The following MAP3K10 variants were observed in gnomAD, a reference collection of about 807,000 sequenced individuals.
MAP3K10 encodes the protein mitogen-activated protein kinase kinase kinase 10.
MAP3K10 carries 22 observed loss-of-function variants against 75.0 expected under a neutral mutation model. The ratio of observed to expected loss-of-function variants is 0.29; its 90% CI spans 0.21 to 0.42. The LOEUF (loss-of-function observed/expected upper bound fraction) is 0.42, where lower values mean the gene tolerates loss of function less well. Among genes scored for constraint, MAP3K10 ranks in the 10% least tolerant of loss-of-function variants. MAP3K10 has a pLI of 1.00. For synonymous variants in MAP3K10, 599 were observed against 612.9 expected (o/e 0.98, Z 0.34); for missense variants, 1,165 against 1,379.8 (o/e 0.84, Z 2.47).
At chr19:40,201,247 A>G (rs1322079490) in intron 2 of MAP3K10, among the ~76,000 whole-genome samples, 1 of 147,872 alleles carries the variant, frequency 6.8e-6, no homozygotes, top group East Asian at 2.0e-4. Context: ...ATCTTGGCTC[A>G]CTGAAACCTC....
chr19:40,209,397 ATTTCTTTTTTTTTTT>A (rs1378616103), intron 6 of MAP3K10, among the ~76,000 whole-genome samples, 178 bp downstream of exon 6: 2 of 151,780 alleles, frequency 1.3e-5, no homozygotes, highest in East Asian at 1.9e-4. Context: ...AAGCAGGATA[ATTTCTTTTTTTTTTT>A]TTTCTTTTTT....
At chr19:40,194,233 C>A (rs889083240) in intron 1 of MAP3K10, among the ~76,000 whole-genome samples, 1 of 152,094 alleles carries the variant, frequency 6.6e-6, no homozygotes, top group Non-Finnish European at 1.5e-5. Flanking sequence ...TGGTGGCATG[C>A]ATCTGTAATC....
rs1973252117 is a variant in MAP3K10 at position 40,212,137 on chromosome 19, G to A, written c.1553-668G>A. On this transcript the variant is annotated intron_variant, in intron 6 of 9. Transcript: ENST00000253055. The surrounding 1 kb of genome is among the most constrained non-coding windows in gnomAD (Gnocchi z 4.2). ...TCTGGCTGCTGTAAGAAATAAAGGT[G>A]GAGAAAGCAGTGAGATGATGGAGGC... is the stretch of plus-strand genomic sequence containing the variant. 6.6e-6 allele frequency among the ~76,000 whole-genome samples: 1 copy of A among 152,230 alleles called. No homozygotes were observed. Among genetic ancestry groups the A allele is most frequent in the Admixed American group, 6.5e-5 (1 of 15,282 alleles).
intron 2 of MAP3K10, among the ~76,000 whole-genome samples, chr19:40,203,035 G>GA (rs1906473291): frequency 2.6e-5 from 4 of 152,176 alleles, no homozygotes; most frequent in Non-Finnish European, 5.9e-5. Context: ...CACACAGTAG[G>GA]CACTTAATAA....
Position 40,198,331 on chromosome 19 carries a change from G to A in MAP3K10, c.683-44G>A. On this transcript the variant is annotated intron_variant, in intron 1 of 9. Coordinates refer to ENST00000253055, the MANE Select transcript of MAP3K10 (RefSeq NM_002446.4). The surrounding 1 kb of genome is among the most constrained non-coding windows in gnomAD (Gnocchi z 4.3). ...GCGGGCCAGAACACTTGGGTCTGCG[G>A]CGTGGCAGGTCTGGGGTGACCCACC... 1 of 1,567,522 alleles carries A rather than the reference G, an allele frequency of 6.4e-7. No individual in the cohort carries two copies. Among genetic ancestry groups the A allele is most frequent in the Non-Finnish European group, 8.7e-7 (1 of 1,152,924 alleles).
rs756536280 is a variant in MAP3K10 at position 40,213,659 on chromosome 19, C to T, written c.1980C>T (p.Pro660=). The change falls in exon 9 of 10, where the codon CCC becomes CCT. Residue 660 remains proline, a synonymous_variant. Coordinates refer to ENST00000253055, the MANE Select transcript of MAP3K10 (RefSeq NM_002446.4). This position sits in a 1 kb window ranked among gnomAD's most constrained non-coding sequence, Gnocchi z 5.7. ...APWEPTPSAP[P]ARWGHGARRR... ...GGGAGCCGACGCCGTCCGCGCCCCCCGCTCGGTGGGGACACGGCGCCCGGC... is the reference window on the plus strand; with the variant it reads ...GGGAGCCGACGCCGTCCGCGCCCCCTGCTCGGTGGGGACACGGCGCCCGGC... The T allele has an allele frequency of 1.9e-4, 235 of 1,255,250 alleles. 1 individual carries two copies. In the East Asian group the frequency reaches 6.6e-3, roughly 35 times the overall value. 77.8% of individuals were successfully genotyped at this position (1,255,250 alleles called of 1,614,324 possible).
chr19:40,198,686 C>A lies in MAP3K10; in HGVS notation c.863+131C>A. On this transcript the variant is annotated intron_variant, in intron 2 of 9. Coordinates refer to ENST00000253055, the MANE Select transcript of MAP3K10 (RefSeq NM_002446.4). The surrounding 1 kb of genome is among the most constrained non-coding windows in gnomAD (Gnocchi z 4.3). ...TGACAAAGGGACCTGCTGGCAAGGTCAGGCCACCAGACAAGTGCCAGTTAC... is the reference window on the plus strand; with the variant it reads ...TGACAAAGGGACCTGCTGGCAAGGTAAGGCCACCAGACAAGTGCCAGTTAC... 2 of 895,920 alleles carry A rather than the reference C, an allele frequency of 2.2e-6. No homozygotes were observed. The highest frequency in any genetic ancestry group is 3.3e-6 in the Non-Finnish European group (2 of 601,588). 55.5% of individuals were successfully genotyped at this position (895,920 alleles called of 1,614,324 possible).
chr19:40,201,231 G>A lies in MAP3K10; in HGVS notation c.863+2676G>A, dbSNP rs904986849. ...TCTGTCGCCCAGGCCGGAGTACAGC[G>A]GCGCGATCTTGGCTCACTGAAACCT... On this transcript the variant is annotated intron_variant, in intron 2 of 9. Coordinates refer to ENST00000253055, the MANE Select transcript of MAP3K10 (RefSeq NM_002446.4). 4.7e-5 allele frequency among the ~76,000 whole-genome samples: 7 copies of A among 150,176 alleles called. No individual in the cohort carries two copies. In the East Asian group the frequency reaches 5.9e-4, roughly 13 times the overall value.
chr19:40,210,377 G>A (rs1157558092), intron 6 of MAP3K10, among the ~76,000 whole-genome samples: 2 of 152,146 alleles, frequency 1.3e-5, no homozygotes, highest in South Asian at 2.1e-4. Context: ...CCAGAGGTGC[G>A]GGAAAGCCGG....
At position 40,198,519 on chromosome 19, in the gene MAP3K10, G is replaced by T; in HGVS notation, c.827G>T (p.Arg276Leu). The T allele has an allele frequency of 6.2e-7, 1 of 1,613,722 alleles. No individual in the cohort carries two copies. The highest frequency in any genetic ancestry group is 8.5e-7 in the Non-Finnish European group (1 of 1,179,708). Reference protein sequence around the residue: ...TYAWMAPEVIRLSLFSKSSDV... With the variant: ...TYAWMAPEVILLSLFSKSSDV... ...GCCTGGATGGCGCCGGAGGTTATCC[G>T]TCTCTCCCTCTTCTCCAAAAGCAGT... The change falls in exon 2 of 10, where the codon CGT (arginine) becomes CTT (leucine). Residue 276 changes from arginine to leucine, a missense_variant. Coordinates refer to ENST00000253055, the MANE Select transcript of MAP3K10 (RefSeq NM_002446.4). The surrounding 1 kb of genome is among the most constrained non-coding windows in gnomAD (Gnocchi z 4.3).
rs928296064 is a variant in MAP3K10 at position 40,198,003 on chromosome 19, A to T, written c.683-372A>T. ...TGCACCACCACACCCAGGTATTTTTAAAAAGTTTTTGTAGAGATGAGGTCT... is the reference window on the plus strand; with the variant it reads ...TGCACCACCACACCCAGGTATTTTTTAAAAGTTTTTGTAGAGATGAGGTCT... On this transcript the variant is annotated intron_variant, in intron 1 of 9. Transcript: ENST00000253055. The surrounding 1 kb of genome is among the most constrained non-coding windows in gnomAD (Gnocchi z 4.3). Among the ~76,000 whole-genome samples the T allele has an allele frequency of 4.6e-5, 7 of 151,690 alleles. No individual in the cohort carries two copies. Among genetic ancestry groups the T allele is most frequent in the East Asian group, 3.9e-4 (2 of 5,096 alleles).
chr19:40,197,307 C>T (rs944144932), intron 1 of MAP3K10, among the ~76,000 whole-genome samples: 2 of 152,050 alleles, frequency 1.3e-5, no homozygotes, highest in African/African-American at 4.8e-5. Context: ...TCAGGGTGCA[C>T]TCTGCCTTTG....
chr19:40,212,986 G>C lies in MAP3K10; in HGVS notation c.1724+10G>C. The C allele has an allele frequency of 6.3e-7, 1 of 1,597,072 alleles. No individual in the cohort carries two copies. The stretch of plus-strand genomic sequence containing the variant: ...TGGGAGGAGAGGAGAGGTGAGGTGT[G>C]GTGTGGTCATGCCCACCCTGTGCCC... On this transcript the variant is annotated intron_variant, in intron 7 of 9. Coordinates refer to ENST00000253055, the MANE Select transcript of MAP3K10 (RefSeq NM_002446.4). The surrounding 1 kb of genome is among the most constrained non-coding windows in gnomAD (Gnocchi z 4.2).
chr19:40,195,553 G>A (rs887020117), intron 1 of MAP3K10, among the ~76,000 whole-genome samples: 1 of 135,652 alleles, frequency 7.4e-6, no homozygotes, highest in Non-Finnish European at 1.5e-5. Flanking sequence ...GAGTGCAGTA[G>A]TGTGATCACA....
chr19:40,203,329 T>C (rs1434259707), intron 2 of MAP3K10, among the ~76,000 whole-genome samples: 1 of 151,262 alleles, frequency 6.6e-6, no homozygotes, highest in Non-Finnish European at 1.5e-5. Flanking sequence ...ACAGAGACTT[T>C]GTCTCAAAAA....
At chr19:40,201,603 C>G (rs890734717) in intron 2 of MAP3K10, among the ~76,000 whole-genome samples, 1 of 151,498 alleles carries the variant, frequency 6.6e-6, no homozygotes, top group East Asian at 1.9e-4. Flanking sequence ...AGTGATCCTC[C>G]CACCTCAGCC....
At chr19:40,200,483 T>C (rs181260266) in intron 2 of MAP3K10, among the ~76,000 whole-genome samples, 183 of 152,062 alleles carry the variant, frequency 1.2e-3, no homozygotes, top group African/African-American at 4.3e-3. Context: ...CTCCAGATTG[T>C]CCAAGCAGCA....
Position 40,203,496 on chromosome 19 carries a change from C to T in MAP3K10, c.864-989C>T, listed in dbSNP as rs150263406. On this transcript the variant is annotated intron_variant, in intron 2 of 9. Transcript: ENST00000253055. Reference sequence around the variant, plus strand: ...GCAGGGACCACAGCACAGTGACGCACGCTCTGGTACCATGGAGCCACTGAG... The same window carrying T: ...GCAGGGACCACAGCACAGTGACGCATGCTCTGGTACCATGGAGCCACTGAG... Among the ~76,000 whole-genome samples the T allele has an allele frequency of 3.9e-5, 6 of 152,326 alleles. No homozygotes were observed. The East Asian group carries it at 5.8e-4, about 15-fold the overall frequency.
intron 1 of MAP3K10, among the ~76,000 whole-genome samples, chr19:40,195,061 G>T (rs1373414445): frequency 6.6e-6 from 1 of 152,158 alleles, no homozygotes; most frequent in East Asian, 1.9e-4. Context: ...GCCCTGAGGT[G>T]GGAGTGAGTG....
Sources: gnomAD v4.1 joint callset for allele counts (sites outside exome capture counted in the v4.1 genomes callset) on GRCh38, gnomAD v4.1.1 for gene constraint, Gnocchi (gnomAD v3.1) non-coding constraint, MANE v1.5 for transcripts, NCBI Gene and HGNC (gene_info 2026-07-23, HGNC 2026-07-21) for gene names.